The following LRP1B variants were observed in gnomAD, a reference collection of about 807,000 sequenced individuals.
The protein encoded by LRP1B is low-density lipoprotein receptor-related protein 1B.
LRP1B carries 217 observed loss-of-function variants against 556.6 expected under a neutral mutation model. The observed-to-expected ratio is 0.39, with a 90% CI of 0.35 to 0.44. The LOEUF (loss-of-function observed/expected upper bound fraction) is 0.44. LRP1B is among the 20% of genes least tolerant of loss of function. The probability of loss-of-function intolerance (pLI) is 1.00; values close to 1 mark genes in which losing one functional copy is unlikely to be tolerated. For missense variants in LRP1B, 5,053 were observed against 5,620.8 expected (o/e 0.90, Z 3.23); for synonymous variants, 2,047 against 1,865.8 (o/e 1.10, Z -2.50).
intron 1 of LRP1B, among the ~76,000 whole-genome samples, chr2:142,105,288 A>G (rs964614345): frequency 2.1e-4 from 32 of 152,320 alleles, no homozygotes; most frequent in African/African-American, 7.5e-4. Flanking sequence ...TAAAAAGGTC[A>G]TTCTAATTTC....
chr2:141,676,276 G>A (rs73963521), intron 2 of LRP1B, among the ~76,000 whole-genome samples: 2,762 of 152,058 alleles, frequency 0.018, 83 homozygotes, highest in African/African-American at 0.062. Context: ...TGACCATTAC[G>A]TAGTCAAAAA....
At chr2:140,593,934 TCAG>T (rs1399151618) in intron 43 of LRP1B, among the ~76,000 whole-genome samples, 1 of 152,108 alleles carries the variant, frequency 6.6e-6, no homozygotes, top group Non-Finnish European at 1.5e-5. Context: ...AAATAGTGTA[TCAG>T]CATTTTTCAA....
At chr2:141,026,742 C>T (rs1698228071) in intron 11 of LRP1B, among the ~76,000 whole-genome samples, 1 of 152,028 alleles carries the variant, frequency 6.6e-6, no homozygotes, top group Non-Finnish European at 1.5e-5. Context: ...CAGTCATAAC[C>T]CTCCTGGGTA....
chr2:140,874,921 A>C (rs750753392), intron 25 of LRP1B, among the ~76,000 whole-genome samples: 12 of 151,826 alleles, frequency 7.9e-5, no homozygotes, highest in Non-Finnish European at 1.2e-4. Context: ...CAGGAGGCTG[A>C]GGCGGGAGAA....
chr2:142,002,166 G>A (rs775451525), intron 1 of LRP1B, among the ~76,000 whole-genome samples: 2 of 152,084 alleles, frequency 1.3e-5, no homozygotes, highest in Non-Finnish European at 2.9e-5. Context: ...TATTGAGTGT[G>A]TCATGTGCCA....
intron 3 of LRP1B, among the ~76,000 whole-genome samples, chr2:141,319,307 G>GTTTTTTTTTTTTTT (rs1370500448): frequency 1.1e-5 from 1 of 88,786 alleles, no homozygotes; most frequent in African/African-American, 4.8e-5. Flanking sequence ...GTGTTTTTTT[G>GTTTTTTTTTTTTTT]TTGTTTTTTT....
At chr2:140,405,318 G>A (rs1260772501) in intron 66 of LRP1B, among the ~76,000 whole-genome samples, 1 of 151,964 alleles carries the variant, frequency 6.6e-6, no homozygotes, top group Non-Finnish European at 1.5e-5. Context: ...AGAGAAACAG[G>A]CACTAACTAA....
In LRP1B at chr2:140,994,036, T is replaced by C. The variant is rs1363103556; in HGVS notation, c.2603A>G (p.Asp868Gly). Residue 868 changes from aspartate to glycine, a missense_variant, in exon 16 of 91, where the codon GAT becomes GGT. By Grantham distance (94) the Asp-to-Gly change is moderately conservative. Transcript: ENST00000389484. ...CTCATCGCTTCCGTCTAGGCAGTCA[T>C]CGTCGCCATCACATTTCCACCGAGC... is the stretch of plus-strand genomic sequence containing the variant. The part of the protein sequence containing the change: ...IQARWKCDGD[D>G]DCLDGSDEDS... The C allele has an allele frequency of 6.2e-7, 1 of 1,612,768 alleles. No individual in the cohort carries two copies. Among genetic ancestry groups the C allele is most frequent in the Non-Finnish European group, 8.5e-7 (1 of 1,179,144 alleles).
intron 35 of LRP1B, among the ~76,000 whole-genome samples, chr2:140,758,391 G>C (rs1229609159): frequency 6.6e-6 from 1 of 151,866 alleles, no homozygotes; most frequent in Non-Finnish European, 1.5e-5. Flanking sequence ...TGTCTGTGTT[G>C]TTGTAGTATT....
intron 2 of LRP1B, among the ~76,000 whole-genome samples, chr2:141,716,732 C>T (rs1692608338): frequency 6.6e-6 from 1 of 152,152 alleles, no homozygotes; most frequent in Non-Finnish European, 1.5e-5. Context: ...GCATGCTGTG[C>T]TCAGTTATGT....
chr2:141,025,011 AC>A (rs1450485335), intron 11 of LRP1B, among the ~76,000 whole-genome samples: 4 of 152,088 alleles, frequency 2.6e-5, no homozygotes, highest in African/African-American at 9.7e-5. Flanking sequence ...TGAAGAAAAA[AC>A]AGTAAGTGTC....
At position 140,968,380 on chromosome 2, in the gene LRP1B, G is replaced by A. The variant is rs192300612; in HGVS notation, c.2887+13780C>T. ...TTCTGTGGTATTGGTGGTGATATCC[G>A]TTTTATCATTTTTTATTGTGTCTAT... On this transcript the variant is annotated intron_variant, in intron 18 of 90. Coordinates refer to ENST00000389484, the MANE Select transcript of LRP1B (RefSeq NM_018557.3). Among the ~76,000 whole-genome samples the A allele has an allele frequency of 5.9e-3, 891 of 151,584 alleles. 8 individuals are homozygous for A. Among genetic ancestry groups the A allele is most frequent in the African/African-American group, 0.017 (715 of 41,320 alleles).
chr2:141,997,075 G>C (rs1040112533), intron 1 of LRP1B, among the ~76,000 whole-genome samples: 2 of 152,008 alleles, frequency 1.3e-5, no homozygotes, highest in African/African-American at 4.8e-5. Flanking sequence ...GAACCAAGTG[G>C]GCTTAGAAAA....
intron 2 of LRP1B, among the ~76,000 whole-genome samples, chr2:141,591,366 T>TG (rs60840565): frequency 0.023 from 3,386 of 147,306 alleles, 94 homozygotes; most frequent in East Asian, 0.12. Flanking sequence ...TTTGTTTGTT[T>TG]TTTTTTTTTT....
chr2:140,689,074 TTTAA>T (rs1686149284), intron 41 of LRP1B, among the ~76,000 whole-genome samples: 1 of 152,364 alleles, frequency 6.6e-6, no homozygotes, highest in South Asian at 2.1e-4. Context: ...ATAAAACATA[TTTAA>T]TTAAATTTAA....
rs140358588 is a variant in LRP1B, at chr2:140,654,465, A to T, written c.6799+45785T>A. 3.8e-3 allele frequency among the ~76,000 whole-genome samples: 580 copies of T among 152,336 alleles called. 2 individuals are homozygous for T. The highest frequency in any genetic ancestry group is 0.013 in the African/African-American group (558 of 41,582). Reference sequence around the variant, plus strand: ...TTTATCAGTTATTTTAAAGACTGTCAGTAATCAAAATTTGAAGATTGATCA... The same window carrying T: ...TTTATCAGTTATTTTAAAGACTGTCTGTAATCAAAATTTGAAGATTGATCA... On this transcript the variant is annotated intron_variant, in intron 41 of 90. Coordinates refer to ENST00000389484, the MANE Select transcript of LRP1B (RefSeq NM_018557.3).
At chr2:141,116,728 A>AT (rs66900497) in intron 7 of LRP1B, among the ~76,000 whole-genome samples, 32 of 150,506 alleles carry the variant, frequency 2.1e-4, no homozygotes, top group East Asian at 7.8e-4. Context: ...GATCTGAATG[A>AT]TTTTTTTTTT....
At chr2:140,424,096 T>C (rs1483264146) in intron 66 of LRP1B, among the ~76,000 whole-genome samples, 1 of 152,132 alleles carries the variant, frequency 6.6e-6, no homozygotes, top group African/African-American at 2.4e-5. Context: ...TGAAACATAT[T>C]CATTGTGGAA....
intron 3 of LRP1B, among the ~76,000 whole-genome samples, chr2:141,315,461 G>C (rs895845673): frequency 6.6e-6 from 1 of 151,460 alleles, no homozygotes; most frequent in Non-Finnish European, 1.5e-5. Context: ...GGGTTTCACC[G>C]TGTTAGCCAG....
Sources: allele counts gnomAD v4.1 joint callset (sites outside exome capture counted in the v4.1 genomes callset), GRCh38; gene constraint gnomAD v4.1.1; transcripts MANE v1.5; gene names NCBI Gene and HGNC (gene_info 2026-07-23, HGNC 2026-07-21).